The following PCED1B variants were observed in gnomAD, a reference collection of about 807,000 sequenced individuals.
PCED1B encodes the protein PC-esterase domain containing 1B, also known as PC-esterase domain-containing protein 1B.
For synonymous variants in PCED1B, 251 were observed against 246.1 expected (o/e 1.02, Z -0.19); for missense variants, 573 against 573.9 (o/e 1.00, Z 0.02).
chr12:47,213,766 C>T (rs986234078), intron 2 of PCED1B, among the ~76,000 whole-genome samples: 3 of 152,124 alleles, frequency 2.0e-5, no homozygotes, highest in Non-Finnish European at 2.9e-5. Flanking sequence ...GCTCACTGAG[C>T]TTTGAAACAT....
intron 2 of PCED1B, among the ~76,000 whole-genome samples, chr12:47,133,947 T>C (rs965619956): frequency 6.6e-6 from 1 of 152,174 alleles, no homozygotes; most frequent in African/African-American, 2.4e-5. Flanking sequence ...TACGAGAAGA[T>C]GGCAGGTTGC....
chr12:47,217,951 G>T (rs1159691722), intron 3 of PCED1B, among the ~76,000 whole-genome samples: 1 of 152,132 alleles, frequency 6.6e-6, no homozygotes, highest in Non-Finnish European at 1.5e-5. Context: ...GCTAAATAAT[G>T]CCACTAAATA....
chr12:47,112,939 G>A (rs916725767), intron 2 of PCED1B, among the ~76,000 whole-genome samples: 2 of 152,174 alleles, frequency 1.3e-5, no homozygotes, highest in Non-Finnish European at 2.9e-5. Context: ...CCTGCTGTGT[G>A]CAAAAGCAAA....
At chr12:47,105,695 T>G (rs1431730204) in intron 2 of PCED1B, among the ~76,000 whole-genome samples, 1 of 152,204 alleles carries the variant, frequency 6.6e-6, no homozygotes, top group Non-Finnish European at 1.5e-5. Flanking sequence ...CGACCCTAGT[T>G]GGATTTTTTT....
intron 2 of PCED1B, among the ~76,000 whole-genome samples, chr12:47,116,643 A>G (rs913479353): frequency 1.3e-5 from 2 of 152,216 alleles, no homozygotes; most frequent in African/African-American, 4.8e-5. Context: ...TTATTTGCCA[A>G]TCTAAATATT....
chr12:47,218,109 T>G (rs2137815347), intron 3 of PCED1B, among the ~76,000 whole-genome samples: 1 of 152,336 alleles, frequency 6.6e-6, no homozygotes, highest in East Asian at 1.9e-4. Flanking sequence ...TCATTTGATT[T>G]CCACAATTAA....
chr12:47,166,059 C>T (rs1941535879), intron 2 of PCED1B, among the ~76,000 whole-genome samples: 1 of 152,134 alleles, frequency 6.6e-6, no homozygotes, highest in African/African-American at 2.4e-5. Context: ...AAGCCCTGAC[C>T]CGGGGTCAAC....
At chr12:47,212,007 G>A (rs1371084895) in intron 2 of PCED1B, among the ~76,000 whole-genome samples, 8 of 151,000 alleles carry the variant, frequency 5.3e-5, no homozygotes, top group African/African-American at 1.7e-4. Flanking sequence ...CCCGGGAGGC[G>A]GAGCTTGCAG....
At chr12:47,224,962 C>A (rs1182571617) in intron 3 of PCED1B, among the ~76,000 whole-genome samples, 4 of 152,180 alleles carry the variant, frequency 2.6e-5, no homozygotes, top group Admixed American at 6.5e-5. Flanking sequence ...CACAGAGTCT[C>A]ACGCTGTCGC....
rs143682357 is a variant in PCED1B, at chr12:47,178,031, A to G, written c.-525-38191A>G. On this transcript the variant is annotated intron_variant, in intron 2 of 3. Coordinates refer to ENST00000546455, the MANE Select transcript of PCED1B (RefSeq NM_138371.3). ...TCTTGGGAGACTTTAAGGTTCTAGG[A>G]GAGGGTAAAGGCCAGAAGCTGGAAG... Among the ~76,000 whole-genome samples, 482 of 152,176 alleles carry G rather than the reference A, an allele frequency of 3.2e-3. 3 individuals are homozygous for G. Among genetic ancestry groups the G allele is most frequent in the African/African-American group, 8.9e-3 (371 of 41,462 alleles).
chr12:47,167,129 A>G (rs1383620888), intron 2 of PCED1B, among the ~76,000 whole-genome samples: 1 of 152,160 alleles, frequency 6.6e-6, no homozygotes, highest in Non-Finnish European at 1.5e-5. Context: ...ATAAGGGAAA[A>G]GGAGATATCT....
At chr12:47,232,905 T>TTTTATTTA (rs66480040) in intron 3 of PCED1B, among the ~76,000 whole-genome samples, 2,125 of 144,304 alleles carry the variant, frequency 0.015, 25 homozygotes, top group Middle Eastern at 0.049. Flanking sequence ...GACCTAGAAA[T>TTTTATTTA]TTTATTTATT....
At chr12:47,089,456 AAAT>A (rs1938146555) in intron 1 of PCED1B, among the ~76,000 whole-genome samples, 1 of 86,688 alleles carries the variant, frequency 1.2e-5, no homozygotes, top group African/African-American at 5.6e-5. Context: ...CAAAAAAAAA[AAAT>A]ACATATATAT....
intron 2 of PCED1B, among the ~76,000 whole-genome samples, chr12:47,153,355 C>CA (rs11299918): frequency 0.04 from 3,790 of 95,070 alleles, 248 homozygotes; most frequent in African/African-American, 0.14. Flanking sequence ...GACTCCTTCT[C>CA]AAAAAAAAAA....
At chr12:47,218,921 A>G (rs1943387956) in intron 3 of PCED1B, among the ~76,000 whole-genome samples, 1 of 152,022 alleles carries the variant, frequency 6.6e-6, no homozygotes, top group African/African-American at 2.4e-5. Flanking sequence ...TGGGTGGATC[A>G]CCTGAGGTCA....
chr12:47,093,387 A>C (rs941620739), intron 1 of PCED1B, among the ~76,000 whole-genome samples: 1 of 149,902 alleles, frequency 6.7e-6, no homozygotes, highest in African/African-American at 2.5e-5. Context: ...TCTTTTGATC[A>C]GTCTTCTTTA....
chr12:47,234,872 G>T (rs1943922085), intron 3 of PCED1B, 135 bp from the exon 4 acceptor site: 1 of 432,410 alleles, frequency 2.3e-6, no homozygotes, highest in Non-Finnish European at 4.0e-6. Context: ...CTGTTATGCG[G>T]GCACTCCAGG....
chr12:47,147,777 C>G (rs563744834), intron 2 of PCED1B, among the ~76,000 whole-genome samples: 5 of 152,308 alleles, frequency 3.3e-5, no homozygotes, highest in African/African-American at 1.2e-4. Context: ...CTGGAGTCTT[C>G]TAAGCCCTCA....
At chr12:47,110,983 T>C (rs1339092996) in intron 2 of PCED1B, among the ~76,000 whole-genome samples, 1 of 152,232 alleles carries the variant, frequency 6.6e-6, no homozygotes, top group East Asian at 1.9e-4. Flanking sequence ...AAGTTTGATG[T>C]ATGTAACTTC....
Sources: allele counts gnomAD v4.1 joint callset (sites outside exome capture counted in the v4.1 genomes callset), GRCh38; gene constraint gnomAD v4.1.1; transcripts MANE v1.5; gene names NCBI Gene and HGNC (gene_info 2026-07-23, HGNC 2026-07-21).